Variants in HECTD4 observed in about 807,000 individuals in gnomAD.
HECTD4 encodes probable E3 ubiquitin-protein ligase HECTD4.
A neutral mutation model predicts 471.5 loss-of-function variants in HECTD4; 114 were observed. That is an observed-to-expected ratio of 0.24 (90% CI 0.21 to 0.28). HECTD4 has a LOEUF of 0.28. Ranked by LOEUF, HECTD4 falls within the 10% of genes least tolerant of loss-of-function variation. The probability of loss-of-function intolerance (pLI) is 1.00; values close to 1 mark genes in which losing one functional copy is unlikely to be tolerated. For missense variants in HECTD4, 3,866 were observed against 5,651.5 expected (o/e 0.68, Z 10.13); for synonymous variants, 2,012 against 2,256.0 (o/e 0.89, Z 3.07).
At position 112,265,215 on chromosome 12, in the gene HECTD4, A is replaced by G; in HGVS notation, c.2579T>C (p.Val860Ala). 1 of 1,607,512 alleles carries G rather than the reference A, an allele frequency of 6.2e-7. No homozygotes were observed. Among genetic ancestry groups the G allele is most frequent in the Non-Finnish European group, 8.5e-7 (1 of 1,176,732 alleles). Reference protein sequence around the residue: ...SCILITKCQTVSKDDFQKLLS... With the variant: ...SCILITKCQTASKDDFQKLLS... ...GAGCTTTTGAAAATCATCTTTAGAGACAGTTTGGCACTTGGTGATTAAGAT... is the reference window on the plus strand; with the variant it reads ...GAGCTTTTGAAAATCATCTTTAGAGGCAGTTTGGCACTTGGTGATTAAGAT... The change falls in exon 16 of 76, where the codon GTC becomes GCC. Residue 860 changes from valine (V) to alanine (A), a missense_variant. Physicochemically the swap from Val to Ala is moderately conservative, Grantham distance 64. Around this residue, in one of 16 missense-constraint regions of HECTD4, gnomAD observed 525 missense variants for 672.6 expected, o/e 0.78. Coordinates refer to ENST00000682272, the MANE Select transcript of HECTD4 (RefSeq NM_001388303.1).
intron 7 of HECTD4, among the ~76,000 whole-genome samples, chr12:112,288,287 C>T (rs2135650972): frequency 6.8e-6 from 1 of 148,100 alleles, no homozygotes; most frequent in Middle Eastern, 3.5e-3. Context: ...CCTCTGCACT[C>T]CAGCCTAGGT....
At chr12:112,257,653 G>A (rs1013402731) in intron 20 of HECTD4, among the ~76,000 whole-genome samples, 1 of 152,078 alleles carries the variant, frequency 6.6e-6, no homozygotes, top group Non-Finnish European at 1.5e-5. Context: ...AAACATTGTT[G>A]TATATAACAA....
In HECTD4 at chr12:112,283,262, C is replaced by A; in HGVS notation, c.1376G>T (p.Arg459Leu). ...GVFVANPLQE[R>L]TILMRKEGES... ...GCCCTCTTTTCTCATTAGAATTGTA[C>A]GTTCCTGAAGTGGGTTGGCTACAAA... The change falls in exon 8 of 76, where the codon CGT (arginine) becomes CTT (leucine). Residue 459 changes from arginine (R) to leucine (L), a missense_variant. By Grantham distance (102) the Arg-to-Leu change is moderately radical. This residue lies in a region of HECTD4 where 440 missense variants were observed against 636.0 expected (regional missense o/e 0.69). Transcript: ENST00000682272. 3 of 1,613,236 alleles carry A rather than the reference C, an allele frequency of 1.9e-6. No homozygotes were observed. Among genetic ancestry groups the A allele is most frequent in the Middle Eastern group, 1.7e-4 (1 of 6,058 alleles).
chr12:112,230,422 C>G (rs11066202), intron 40 of HECTD4, among the ~76,000 whole-genome samples: 1 of 152,038 alleles, frequency 6.6e-6, no homozygotes, highest in African/African-American at 2.4e-5. Context: ...CTAACATAAG[C>G]AAGAAGAAGA....
chr12:112,307,887 G>A (rs1287788212), intron 6 of HECTD4, among the ~76,000 whole-genome samples: 1 of 152,216 alleles, frequency 6.6e-6, no homozygotes, highest in African/African-American at 2.4e-5. Flanking sequence ...TCAAGTTCTG[G>A]TGCCGCTACT....
chr12:112,308,623 TA>T (rs1287282385), intron 6 of HECTD4, 129 bp downstream of exon 6: 6 of 842,478 alleles, frequency 7.1e-6, no homozygotes, highest in Admixed American at 3.2e-5. Context: ...ATGCCCAAAC[TA>T]TAACAATTAA....
At chr12:112,302,208 C>T in intron 7 of HECTD4, 1 of 1,310,330 alleles carries the variant, frequency 7.6e-7, no homozygotes, top group Non-Finnish European at 1.1e-6. Context: ...GCAATCACCA[C>T]CAGCTGAGCT....
chr12:112,381,469 G>GA lies in HECTD4; in HGVS notation c.177+482dup, dbSNP rs760233699. Among the ~76,000 whole-genome samples the GA allele has an allele frequency of 6.6e-6, 1 of 151,872 alleles. No individual in the cohort carries two copies. Among genetic ancestry groups the GA allele is most frequent in the Non-Finnish European group, 1.5e-5 (1 of 67,966 alleles). On this transcript the variant is annotated intron_variant, in intron 1 of 75. Coordinates refer to ENST00000682272, the MANE Select transcript of HECTD4 (RefSeq NM_001388303.1). The surrounding 1 kb of genome is among the most constrained non-coding windows in gnomAD (Gnocchi z 4.1). ...CCGCAGCTGCCACTACCCTCTCCCGGAAAAAAACCAAACCAAACCAAACAA... is the reference window on the plus strand; with the variant it reads ...CCGCAGCTGCCACTACCCTCTCCCGGAAAAAAAACCAAACCAAACCAAACAA...
intron 1 of HECTD4, among the ~76,000 whole-genome samples, chr12:112,372,903 T>G: frequency 6.6e-6 from 1 of 151,876 alleles, no homozygotes; most frequent in Non-Finnish European, 1.5e-5. Context: ...TACAAGTGCA[T>G]GCCACCACGC....
chr12:112,271,765 G>T (rs1188261140), intron 11 of HECTD4, among the ~76,000 whole-genome samples: 12 of 151,716 alleles, frequency 7.9e-5, no homozygotes, highest in African/African-American at 1.2e-4. Context: ...ATTTTTTTTT[G>T]TTGTTGTTGT....
rs769776922 is a variant in HECTD4, at chr12:112,190,776, GC to G, written c.9472+9del. The G allele has an allele frequency of 3.8e-5, 59 of 1,565,570 alleles. No individual in the cohort carries two copies. The highest frequency in any genetic ancestry group is 5.0e-5 in the Non-Finnish European group (58 of 1,154,496). ...CCCTAGATTCCGATCCCCAGGGAAG[GC>G]AGCCTCACCTAGCAGCTCCACCACC... On this transcript the variant is annotated intron_variant, in intron 60 of 75. Coordinates refer to ENST00000682272, the MANE Select transcript of HECTD4 (RefSeq NM_001388303.1).
At chr12:112,264,418 C>A (rs1247542157) in intron 16 of HECTD4, among the ~76,000 whole-genome samples, 1 of 152,096 alleles carries the variant, frequency 6.6e-6, no homozygotes. Context: ...CCTTTTGGTA[C>A]ACAATCCTCA....
At chr12:112,355,649 A>G in intron 1 of HECTD4, among the ~76,000 whole-genome samples, 1 of 151,836 alleles carries the variant, frequency 6.6e-6, no homozygotes, top group Non-Finnish European at 1.5e-5. Context: ...CTGTGATCCC[A>G]GCTGCTTGGG....
At chr12:112,307,841 T>A (rs1481747807) in intron 6 of HECTD4, among the ~76,000 whole-genome samples, 1 of 152,236 alleles carries the variant, frequency 6.6e-6, no homozygotes, top group Non-Finnish European at 1.5e-5. Context: ...AGTTGCAGTG[T>A]AAAGAGTTCA....
chr12:112,181,762 G>T (rs2031674965), intron 62 of HECTD4, among the ~76,000 whole-genome samples: 1 of 152,144 alleles, frequency 6.6e-6, no homozygotes. Flanking sequence ...GCCCGGCCTG[G>T]GGTAATAATT....
chr12:112,172,131 G>A (rs1480766405), intron 67 of HECTD4, among the ~76,000 whole-genome samples: 2 of 152,158 alleles, frequency 1.3e-5, no homozygotes, highest in African/African-American at 2.4e-5. Flanking sequence ...TCAAACTCCC[G>A]ACCTCAAGTG....
intron 17 of HECTD4, among the ~76,000 whole-genome samples, chr12:112,263,724 T>TATACAC (rs777466613): frequency 6.4e-5 from 8 of 125,050 alleles, no homozygotes; most frequent in African/African-American, 1.9e-4. Context: ...TATATATATA[T>TATACAC]ACACACACAC....
chr12:112,314,458 T>C lies in HECTD4; in HGVS notation c.784A>G (p.Arg262Gly). The C allele has an allele frequency of 2.0e-6, 3 of 1,495,882 alleles. No individual in the cohort carries two copies. The highest frequency in any genetic ancestry group is 2.7e-6 in the Non-Finnish European group (3 of 1,110,362). The allele number at this position is 1,495,882 out of a possible 1,614,324, so 92.7% of individuals were successfully genotyped here. A position where few individuals can be genotyped will look rare whatever the true frequency, so the allele number is the denominator to read the frequency against. ...GSLPVADVLY[R>G]LLLLEGGPGS... ...TAAGGATACAAAGTGACAACTTACCTATATAGCACATCAGCTACAGGCAGG... is the reference window on the plus strand; with the variant it reads ...TAAGGATACAAAGTGACAACTTACCCATATAGCACATCAGCTACAGGCAGG... Residue 262 changes from arginine (R) to glycine (G), a missense_variant and splice_region_variant, in exon 3 of 76, where the codon AGG (arginine) becomes GGG (glycine). Physicochemically the swap from Arg to Gly is moderately radical, Grantham distance 125. Coordinates refer to ENST00000682272, the MANE Select transcript of HECTD4 (RefSeq NM_001388303.1).
chr12:112,200,307 C>A (rs981136724), intron 55 of HECTD4, among the ~76,000 whole-genome samples: 2 of 152,130 alleles, frequency 1.3e-5, no homozygotes, highest in Non-Finnish European at 2.9e-5. Flanking sequence ...GTGCCCATCA[C>A]CAAGATCGGC....
Sources: allele counts gnomAD v4.1 joint callset (sites outside exome capture counted in the v4.1 genomes callset), GRCh38; gene constraint gnomAD v4.1.1; regional missense constraint gnomAD v4.1.1; non-coding constraint Gnocchi (gnomAD v3.1); transcripts MANE v1.5; gene names NCBI Gene and HGNC (gene_info 2026-07-23, HGNC 2026-07-21).